The following PSMG2 variants were observed in gnomAD, a reference collection of about 807,000 sequenced individuals.
PSMG2 encodes the protein CD40 ligand-activated specific transcript 3.
PSMG2 carries 21 observed loss-of-function variants against 31.5 expected under a neutral mutation model. That is an observed-to-expected ratio of 0.67 (90% CI 0.47 to 0.96). The LOEUF is 0.96. Among genes scored for constraint, PSMG2 ranks in the 40% least tolerant of loss-of-function variants. The probability of loss-of-function intolerance (pLI) is 0.00; values close to 1 mark genes in which losing one functional copy is unlikely to be tolerated. For missense variants in PSMG2, 318 were observed against 321.2 expected, an observed-to-expected ratio of 0.99 and a Z score of 0.08; for synonymous variants, 120 against 110.4, an observed-to-expected ratio of 1.09 and a Z score of -0.54.
chr18:12,711,288 A>G (rs547072425), intron 2 of PSMG2, among the ~76,000 whole-genome samples: 7 of 152,236 alleles, frequency 4.6e-5, no homozygotes, highest in Non-Finnish European at 1.0e-4. Flanking sequence ...AAAGAATTGT[A>G]TGATACGCTG....
chr18:12,721,670 A>G (rs2040431900), intron 5 of PSMG2, among the ~76,000 whole-genome samples: 2 of 151,988 alleles, frequency 1.3e-5, no homozygotes, highest in African/African-American at 2.4e-5. Context: ...TTCTTTGAAG[A>G]ACCAGTTTTG....
rs375916938 is a variant in PSMG2 at position 12,695,852 on chromosome 18, C to CCACACACACA, written c.-36-10674_-36-10665dup. ...CAACTGTTAACACCTCATTCCTTCTCCACACACACACACACACACACACAC... is the reference window on the plus strand; with the variant it reads ...CAACTGTTAACACCTCATTCCTTCTCCACACACACACACACACACACACACACACACACAC... On this transcript the variant is annotated intron_variant, in intron 1 of 6. Coordinates refer to the PSMG2 transcript ENST00000585331. Among the ~76,000 whole-genome samples the CCACACACACA allele has an allele frequency of 3.3e-3, 486 of 148,380 alleles. 2 individuals are homozygous for CCACACACACA. The highest frequency in any genetic ancestry group is 0.01 in the African/African-American group (410 of 40,416).
intron 3 of PSMG2, among the ~76,000 whole-genome samples, chr18:12,716,595 C>T (rs554870934): frequency 1.2e-4 from 18 of 152,088 alleles, no homozygotes; most frequent in East Asian, 3.9e-4. Flanking sequence ...GGGGTTTCAC[C>T]GTGTTAGCCA....
intron 1 of PSMG2, among the ~76,000 whole-genome samples, chr18:12,704,140 G>T (rs2040235113): frequency 6.6e-6 from 1 of 152,212 alleles, no homozygotes; most frequent in African/African-American, 2.4e-5. Flanking sequence ...GTAAGGTGAA[G>T]AAAGTGTATG....
intron 1 of PSMG2, among the ~76,000 whole-genome samples, chr18:12,666,087 C>T (rs999899796): frequency 2.0e-5 from 3 of 148,452 alleles, no homozygotes; most frequent in Non-Finnish European, 4.4e-5. Flanking sequence ...GAGACTGAGA[C>T]AGGAGGAATG....
At chr18:12,697,008 T>C (rs1324412750) in intron 1 of PSMG2, among the ~76,000 whole-genome samples, 1 of 152,194 alleles carries the variant, frequency 6.6e-6, no homozygotes, top group Admixed American at 6.5e-5. Flanking sequence ...ACATTTCTCC[T>C]AAGACAAGGT....
chr18:12,695,885 C>CACACACACACAA (rs557125479), intron 1 of PSMG2, among the ~76,000 whole-genome samples: 3 of 149,858 alleles, frequency 2.0e-5, no homozygotes, highest in African/African-American at 7.4e-5. Flanking sequence ...CACACACACA[C>CACACACACACAA]TAAAAATTAG....
intron 3 of PSMG2, among the ~76,000 whole-genome samples, chr18:12,716,386 G>A (rs1032344807): frequency 6.7e-6 from 1 of 149,470 alleles, no homozygotes; most frequent in African/African-American, 2.5e-5. Flanking sequence ...GAAGTAAAGA[G>A]TGAATTTTTT....
chr18:12,699,354 C>T (rs1225297212), upstream of PSMG2: 13 of 588,528 alleles, frequency 2.2e-5, no homozygotes, highest in Middle Eastern at 3.9e-4. Flanking sequence ...ACTGTATATG[C>T]CAGAATCATT....
chr18:12,700,782 A>G (rs1281171864), upstream of PSMG2, among the ~76,000 whole-genome samples: 1 of 152,188 alleles, frequency 6.6e-6, no homozygotes, highest in Admixed American at 6.5e-5. Flanking sequence ...ACACAAAACT[A>G]TTCAGTATAT....
At chr18:12,694,327 G>A (rs2039873303) in intron 1 of PSMG2, among the ~76,000 whole-genome samples, 1 of 152,188 alleles carries the variant, frequency 6.6e-6, no homozygotes, top group Non-Finnish European at 1.5e-5. Context: ...AGGCAGGGTG[G>A]AGTAAAGGGT....
intron 2 of PSMG2, among the ~76,000 whole-genome samples, chr18:12,709,403 T>C (rs1030940719): frequency 2.0e-5 from 3 of 151,930 alleles, no homozygotes; most frequent in African/African-American, 7.3e-5. Context: ...CTCGGCTCAC[T>C]GCAACCTCTG....
upstream of PSMG2, chr18:12,700,972 GTTCT>G (rs1568035435): frequency 6.2e-7 from 1 of 1,612,892 alleles, no homozygotes. Context: ...ACAAAATTAA[GTTCT>G]TTCATCACAT....
chr18:12,718,374 AG>A (rs1325634682), intron 3 of PSMG2, 142 bp from the exon 4 acceptor site: 1 of 454,948 alleles, frequency 2.2e-6, no homozygotes, highest in Non-Finnish European at 3.9e-6. Context: ...GTTTAAGCAC[AG>A]TAAGTGGATC....
chr18:12,673,324 T>C, intron 1 of PSMG2: 1 of 1,566,562 alleles, frequency 6.4e-7, no homozygotes, highest in Non-Finnish European at 8.6e-7. Context: ...TGTGTAAAAT[T>C]CCAATTAAAC....
intron 1 of PSMG2, chr18:12,674,697 A>G (rs1310256345): frequency 1.2e-6 from 2 of 1,614,046 alleles, no homozygotes; most frequent in Non-Finnish European, 1.7e-6. Context: ...AAGAAGCCAA[A>G]GCTGGTGATA....
At chr18:12,694,691 A>G (rs2039884675) in intron 1 of PSMG2, among the ~76,000 whole-genome samples, 1 of 151,918 alleles carries the variant, frequency 6.6e-6, no homozygotes, top group Non-Finnish European at 1.5e-5. Context: ...GATCTTCTTC[A>G]GCTTTATCCT....
chr18:12,670,257 G>A (rs547156583), intron 1 of PSMG2, among the ~76,000 whole-genome samples: 3 of 151,732 alleles, frequency 2.0e-5, no homozygotes, highest in African/African-American at 7.3e-5. Flanking sequence ...TTGAACCTGC[G>A]AGGTGGAGGT....
In PSMG2 at chr18:12,667,654, G is replaced by A. The variant is rs543628112; in HGVS notation, c.-37+8881G>A. ...CACGTGCCTGTACTCCCAGCTACTCGGGAGGCTGAGGCAGGAGAATTGCTT... is the reference window on the plus strand; with the variant it reads ...CACGTGCCTGTACTCCCAGCTACTCAGGAGGCTGAGGCAGGAGAATTGCTT... On this transcript the variant is annotated intron_variant, in intron 1 of 6. Transcript: ENST00000585331. Among the ~76,000 whole-genome samples the A allele has an allele frequency of 4.6e-5, 7 of 150,888 alleles. No individual in the cohort carries two copies. The South Asian group carries it at 6.3e-4, about 14-fold the overall frequency.
Sources: allele counts gnomAD v4.1 joint callset (sites outside exome capture counted in the v4.1 genomes callset), GRCh38; gene constraint gnomAD v4.1.1; transcripts MANE v1.5; gene names NCBI Gene and HGNC (gene_info 2026-07-23, HGNC 2026-07-21).